USH2A: variants seen among roughly 807,000 people sequenced by gnomAD.
USH2A encodes the protein usherin.
In USH2A, 443 loss-of-function variants were observed where a neutral mutation model predicts 538.9. The ratio of observed to expected loss-of-function variants is 0.82; its 90% confidence interval spans 0.76 to 0.89. The LOEUF (loss-of-function observed/expected upper bound fraction) is 0.89, where lower values mean the gene tolerates loss of function less well. Among genes scored for constraint, USH2A ranks in the 40% least tolerant of loss-of-function variants. The pLI is 0.00. For missense variants in USH2A, 6,633 were observed against 6,324.8 expected (o/e 1.05, Z -1.65); for synonymous variants, 2,413 against 2,273.5 (o/e 1.06, Z -1.75).
chr1:216,292,462 C>T (rs2037021293), intron 9 of USH2A, 92 bp from the exon 10 acceptor site: 2 of 1,335,444 alleles, frequency 1.5e-6, no homozygotes, highest in African/African-American at 1.5e-5. Flanking sequence ...AGAAGTAAAG[C>T]ACATATCAGT....
At chr1:215,768,919 T>C (rs896965938) in intron 55 of USH2A, among the ~76,000 whole-genome samples, 1 of 152,200 alleles carries the variant, frequency 6.6e-6, no homozygotes, top group African/African-American at 2.4e-5. Context: ...TTTTTAGGCA[T>C]TCAATGTTGA....
intron 3 of USH2A, among the ~76,000 whole-genome samples, chr1:216,378,572 C>A (rs2038877422): frequency 6.6e-6 from 1 of 152,074 alleles, no homozygotes; most frequent in Admixed American, 6.5e-5. Flanking sequence ...CCTCAGAGAG[C>A]CCCCGAATAC....
intron 57 of USH2A, among the ~76,000 whole-genome samples, chr1:215,759,044 A>T (rs1199830100): frequency 6.6e-6 from 1 of 152,202 alleles, no homozygotes; most frequent in East Asian, 1.9e-4. Flanking sequence ...GGAGGATTCA[A>T]ATTAATCTTC....
At chr1:216,098,943 T>C (rs1405059614) in intron 21 of USH2A, among the ~76,000 whole-genome samples, 1 of 152,174 alleles carries the variant, frequency 6.6e-6, no homozygotes, top group Non-Finnish European at 1.5e-5. Flanking sequence ...GGGAGACAGT[T>C]AGATAAATCT....
intron 3 of USH2A, among the ~76,000 whole-genome samples, chr1:216,391,345 T>C (rs1447633481): frequency 6.6e-6 from 1 of 152,228 alleles, no homozygotes; most frequent in Non-Finnish European, 1.5e-5. Flanking sequence ...TGATCCTTCA[T>C]AGCATCTTTT....
chr1:216,241,318 A>C (rs1431996081), intron 13 of USH2A, among the ~76,000 whole-genome samples: 1 of 152,220 alleles, frequency 6.6e-6, no homozygotes, highest in African/African-American at 2.4e-5. Context: ...TTCTCTAAGC[A>C]CGGAAATTCC....
At chr1:216,250,815 G>A in intron 12 of USH2A, 88 bp downstream of exon 12, 1 of 1,393,476 alleles carries the variant, frequency 7.2e-7, no homozygotes, top group Non-Finnish European at 1.0e-6. Flanking sequence ...AAAGAAATTT[G>A]CTTTACTCTT....
At chr1:215,912,493 G>GTA (rs1234666784) in intron 38 of USH2A, among the ~76,000 whole-genome samples, 92 of 22,094 alleles carry the variant, frequency 4.2e-3, no homozygotes, top group South Asian at 0.01. Flanking sequence ...ATATATATGT[G>GTA]TATATATATA....
intron 47 of USH2A, among the ~76,000 whole-genome samples, chr1:215,832,368 A>G (rs1306882054): frequency 1.3e-5 from 2 of 151,978 alleles, no homozygotes; most frequent in Non-Finnish European, 2.9e-5. Context: ...TTATGAACAC[A>G]GATGAACATT....
chr1:216,120,049 T>C (rs541394956), intron 21 of USH2A, among the ~76,000 whole-genome samples: 2 of 152,030 alleles, frequency 1.3e-5, no homozygotes, highest in South Asian at 4.2e-4. Context: ...TAGAATAAAA[T>C]AAGTACAAAA....
chr1:216,231,859 A>G, intron 14 of USH2A, 94 bp downstream of exon 14: 3 of 1,523,204 alleles, frequency 2.0e-6, no homozygotes, highest in South Asian at 1.1e-5. Flanking sequence ...GGCAAAAAAA[A>G]TACTTTTTAC....
chr1:215,858,317 C>G (rs1558130755), intron 44 of USH2A, among the ~76,000 whole-genome samples: 1 of 151,856 alleles, frequency 6.6e-6, no homozygotes, highest in Non-Finnish European at 1.5e-5. Context: ...CCACCCAAAT[C>G]TCATCTTAAA....
intron 58 of USH2A, among the ~76,000 whole-genome samples, chr1:215,748,093 T>C (rs934073157): frequency 6.6e-6 from 1 of 151,966 alleles, no homozygotes; most frequent in African/African-American, 2.4e-5. Flanking sequence ...GGGTTTCACC[T>C]TGTTAGCCAG....
rs552366359 is a variant in USH2A, at chr1:216,328,563, G to C, written c.785-909C>G. Reference sequence around the variant, plus strand: ...CATCAAATGACCATTTTCCCAATGTGTTTTTTCTTTTAACTATTCAGTTTT... The same window carrying C: ...CATCAAATGACCATTTTCCCAATGTCTTTTTTCTTTTAACTATTCAGTTTT... On this transcript the variant is annotated intron_variant, in intron 4 of 71. Coordinates refer to ENST00000307340, the MANE Select transcript of USH2A (RefSeq NM_206933.4). 9.2e-5 allele frequency among the ~76,000 whole-genome samples: 14 copies of C among 152,048 alleles called. No homozygotes were observed. In the South Asian group the frequency reaches 2.9e-3, roughly 32 times the overall value.
chr1:216,170,567 G>A (rs2034256271), intron 21 of USH2A, among the ~76,000 whole-genome samples: 1 of 152,042 alleles, frequency 6.6e-6, no homozygotes, highest in African/African-American at 2.4e-5. Context: ...ACCAGTAAAG[G>A]CAGTTTAAAA....
intron 30 of USH2A, among the ~76,000 whole-genome samples, chr1:216,059,795 T>C (rs1056611061): frequency 1.3e-5 from 2 of 152,188 alleles, no homozygotes; most frequent in Non-Finnish European, 2.9e-5. Flanking sequence ...GTTGTTGTTT[T>C]CCATTTCCCA....
At chr1:215,753,408 A>G (rs941310092) in intron 58 of USH2A, among the ~76,000 whole-genome samples, 11 of 152,164 alleles carry the variant, frequency 7.2e-5, no homozygotes, top group Non-Finnish European at 1.5e-4. Flanking sequence ...CTTGGAACCA[A>G]CCCAAATGTC....
intron 36 of USH2A, among the ~76,000 whole-genome samples, chr1:215,968,029 T>C (rs1667398506): frequency 1.3e-5 from 2 of 152,198 alleles, no homozygotes; most frequent in African/African-American, 4.8e-5. Flanking sequence ...GTGATTTTCT[T>C]ATGGAAAACA....
At chr1:216,204,804 A>G (rs2035076461) in intron 16 of USH2A, among the ~76,000 whole-genome samples, 1 of 152,188 alleles carries the variant, frequency 6.6e-6, no homozygotes, top group African/African-American at 2.4e-5. Context: ...GACAGTGTTA[A>G]CCAATTGTTC....
Sources: gnomAD v4.1 joint callset for allele counts (sites outside exome capture counted in the v4.1 genomes callset) on GRCh38, gnomAD v4.1.1 for gene constraint, MANE v1.5 for transcripts, NCBI Gene and HGNC (gene_info 2026-07-23, HGNC 2026-07-21) for gene names.